NCOA2: variants seen among roughly 807,000 people sequenced by gnomAD.
NCOA2 encodes nuclear receptor coactivator 2, also known as class E basic helix-loop-helix protein 75.
Under a neutral mutation model 145.1 loss-of-function variants are expected in NCOA2, and 21 were observed. That is an observed-to-expected ratio of 0.14 (90% CI 0.10 to 0.21). The LOEUF (loss-of-function observed/expected upper bound fraction) is 0.21. Among genes scored for constraint, NCOA2 ranks in the 10% least tolerant of loss-of-function variants. The pLI, the probability that NCOA2 is intolerant of heterozygous loss-of-function variation, is 1.00. For synonymous variants in NCOA2, 619 were observed against 637.5 expected (o/e 0.97, Z 0.44); for missense variants, 1,472 against 1,837.6 (o/e 0.80, Z 3.64).
At chr8:70,362,311 T>TAC (rs1365588356) in intron 1 of NCOA2, among the ~76,000 whole-genome samples, 2 of 152,138 alleles carry the variant, frequency 1.3e-5, no homozygotes, top group Non-Finnish European at 2.9e-5. Flanking sequence ...TAAAACCTTT[T>TAC]TTCATATAGT....
chr8:70,184,038 A>T (rs1269180294), intron 4 of NCOA2, among the ~76,000 whole-genome samples: 1 of 152,166 alleles, frequency 6.6e-6, no homozygotes, highest in South Asian at 2.1e-4. Context: ...TATACCTAAC[A>T]TAGTGGAGGT....
chr8:70,163,697 C>T (rs1813307381), intron 7 of NCOA2, 131 bp from the exon 8 acceptor site: 1 of 643,128 alleles, frequency 1.6e-6, no homozygotes, highest in Non-Finnish European at 2.7e-6. Flanking sequence ...ACACTATGTA[C>T]CTGAGCTTCC....
At chr8:70,327,629 T>C (rs1186607807) in intron 1 of NCOA2, among the ~76,000 whole-genome samples, 1 of 152,052 alleles carries the variant, frequency 6.6e-6, no homozygotes, top group African/African-American at 2.4e-5. Context: ...ATGACCATCA[T>C]CACTACTAAT....
chr8:70,318,115 C>T (rs1805757701), intron 1 of NCOA2, among the ~76,000 whole-genome samples: 2 of 152,182 alleles, frequency 1.3e-5, no homozygotes, highest in African/African-American at 4.8e-5. Flanking sequence ...GTTAGGCCCT[C>T]AGGTCAAGCC....
the NCOA2 span, among the ~76,000 whole-genome samples, chr8:70,426,363 T>C: frequency 1.6e-4 from 24 of 152,372 alleles, no homozygotes; most frequent in Non-Finnish European, 2.2e-4. Context: ...GTGTGATTAA[T>C]AGATGATAAG....
chr8:70,152,055 A>G (rs530654960), intron 11 of NCOA2, among the ~76,000 whole-genome samples: 13 of 152,380 alleles, frequency 8.5e-5, no homozygotes, highest in Non-Finnish European at 1.9e-4. Flanking sequence ...TTACAAGACA[A>G]AAAGATTAAT....
intron 2 of NCOA2, among the ~76,000 whole-genome samples, chr8:70,231,481 C>T (rs1821128074): frequency 6.6e-6 from 1 of 152,170 alleles, no homozygotes; most frequent in African/African-American, 2.4e-5. Flanking sequence ...ATCAATCACC[C>T]AAGGAGCTTT....
At chr8:70,408,754 G>A (rs1814816541), upstream of NCOA2, among the ~76,000 whole-genome samples, 1 of 151,442 alleles carries the variant, frequency 6.6e-6, no homozygotes, top group Non-Finnish European at 1.5e-5. Flanking sequence ...CAGGAATACA[G>A]GTGTGTGCCA....
At chr8:70,446,747 T>G in the NCOA2 span, among the ~76,000 whole-genome samples, 1 of 152,208 alleles carries the variant, frequency 6.6e-6, no homozygotes, top group Non-Finnish European at 1.5e-5. Context: ...AAGAAATGGT[T>G]CTTTCTTTTT....
At chr8:70,356,413 G>A (rs1809701216) in intron 1 of NCOA2, among the ~76,000 whole-genome samples, 1 of 152,108 alleles carries the variant, frequency 6.6e-6, no homozygotes, top group South Asian at 2.1e-4. Flanking sequence ...CAGCAGCATA[G>A]GCACATAGCT....
chr8:70,440,181 G>A, the NCOA2 span, among the ~76,000 whole-genome samples: 1 of 152,196 alleles, frequency 6.6e-6, no homozygotes, highest in African/African-American at 2.4e-5. Flanking sequence ...GGAGGCTGAA[G>A]CAGGAGAATT....
chr8:70,393,525 C>T (rs758791133), intron 1 of NCOA2, among the ~76,000 whole-genome samples: 1 of 152,064 alleles, frequency 6.6e-6, no homozygotes, highest in Non-Finnish European at 1.5e-5. Context: ...TGGCCCCCAA[C>T]ATCCTCCACC....
At chr8:70,223,849 T>C (rs1032758407) in intron 2 of NCOA2, among the ~76,000 whole-genome samples, 3 of 152,244 alleles carry the variant, frequency 2.0e-5, no homozygotes, top group African/African-American at 7.2e-5. Context: ...AAGGGTCCTA[T>C]ACTTTGACAC....
chr8:70,367,398 A>AT (rs1468080689), intron 1 of NCOA2, among the ~76,000 whole-genome samples: 18 of 152,254 alleles, frequency 1.2e-4, no homozygotes, highest in African/African-American at 4.3e-4. Context: ...AAGTACTACT[A>AT]TTTTTTTCCT....
At chr8:70,368,000 A>G (rs1406413630) in intron 1 of NCOA2, among the ~76,000 whole-genome samples, 1 of 152,234 alleles carries the variant, frequency 6.6e-6, no homozygotes, top group Non-Finnish European at 1.5e-5. Flanking sequence ...TAGACTCAGA[A>G]GTATAAGATG....
At chr8:70,425,171 T>C in the NCOA2 span, among the ~76,000 whole-genome samples, 7 of 152,340 alleles carry the variant, frequency 4.6e-5, no homozygotes, top group South Asian at 1.2e-3. Flanking sequence ...CTGGAAGGCA[T>C]CCTTGCACTA....
chr8:70,378,144 C>T (rs1811847361), intron 1 of NCOA2, among the ~76,000 whole-genome samples: 1 of 152,106 alleles, frequency 6.6e-6, no homozygotes, highest in South Asian at 2.1e-4. Context: ...TATAAACCAC[C>T]TTGAATAAAA....
At chr8:70,361,367 G>A (rs1026814296) in intron 1 of NCOA2, among the ~76,000 whole-genome samples, 3 of 151,764 alleles carry the variant, frequency 2.0e-5, no homozygotes, top group African/African-American at 7.3e-5. Context: ...CGTGATTGTG[G>A]GTGCCTGTAA....
intron 2 of NCOA2, among the ~76,000 whole-genome samples, chr8:70,221,790 CAG>C (rs1243817422): frequency 6.6e-6 from 1 of 152,088 alleles, no homozygotes; most frequent in Non-Finnish European, 1.5e-5. Context: ...ACAAATAAAA[CAG>C]AAGTAGAACT....
Sources: gnomAD v4.1 joint callset for allele counts (sites outside exome capture counted in the v4.1 genomes callset) on GRCh38, gnomAD v4.1.1 for gene constraint, MANE v1.5 for transcripts, NCBI Gene and HGNC (gene_info 2026-07-23, HGNC 2026-07-21) for gene names.